Variants in XYLB observed in about 807,000 individuals in gnomAD.
XYLB encodes the protein xylulose kinase.
In XYLB, 62 loss-of-function variants were observed where a neutral mutation model predicts 78.7. The ratio of observed to expected loss-of-function variants is 0.79; its 90% CI spans 0.64 to 0.97. The LOEUF (loss-of-function observed/expected upper bound fraction) is 0.97, where lower values mean the gene tolerates loss of function less well. Ranked by LOEUF, XYLB falls within the 50% of genes least tolerant of loss-of-function variation. The pLI is 0.00. For synonymous variants in XYLB, 245 were observed against 247.4 expected (o/e 0.99, Z 0.09); for missense variants, 687 against 676.8 (o/e 1.02, Z -0.17).
At chr3:38,393,972 GCTTTT>G (rs1707772529) in intron 15 of XYLB, among the ~76,000 whole-genome samples, 1 of 151,932 alleles carries the variant, frequency 6.6e-6, no homozygotes, top group Non-Finnish European at 1.5e-5. Flanking sequence ...TCCCCTCCTT[GCTTTT>G]CTTTTTAAAA....
At position 38,375,198 on chromosome 3, in the gene XYLB, G is replaced by T. The variant is rs372598292; in HGVS notation, c.943G>T (p.Ala315Ser). Residue 315 changes from alanine to serine, a missense_variant, in exon 12 of 19, where the codon GCC (alanine) becomes TCC (serine). Ala to Ser is a moderately conservative substitution (Grantham distance 99). Transcript: ENST00000207870. The part of the protein sequence containing the change: ...LFLWLQEPMP[A>S]LEGHIFCNPV... ...TCTCTGGCTCCAAGAGCCCATGCCTGCCCTGGAAGGCCACATCTTCTGCAA... is the reference window on the plus strand; with the variant it reads ...TCTCTGGCTCCAAGAGCCCATGCCTTCCCTGGAAGGCCACATCTTCTGCAA... 4.3e-6 allele frequency: 7 copies of T among 1,614,188 alleles called. No homozygotes were observed. Among genetic ancestry groups the T allele is most frequent in the African/African-American group, 1.3e-5 (1 of 75,052 alleles).
At position 38,412,555 on chromosome 3, in the gene XYLB, A is replaced by G. The variant is rs986899023; in HGVS notation, c.1534-381A>G. Among the ~76,000 whole-genome samples, 7 of 152,328 alleles carry G rather than the reference A, an allele frequency of 4.6e-5. No homozygotes were observed. In the South Asian group the frequency reaches 6.2e-4, roughly 14 times the overall value. On this transcript the variant is annotated intron_variant, in intron 18 of 18. Transcript: ENST00000207870. ...TTCCTTAGGAGAGCTTCACCAAAGT[A>G]GAATAACTGGGTCCCATACTATGGG...
intron 16 of XYLB, among the ~76,000 whole-genome samples, chr3:38,395,873 G>T (rs1707850599): frequency 6.6e-6 from 1 of 152,220 alleles, no homozygotes; most frequent in Admixed American, 6.5e-5. Flanking sequence ...CAGTGTTCTT[G>T]TCTTCCTCAA....
the XYLB span, among the ~76,000 whole-genome samples, chr3:38,441,336 G>A: frequency 6.6e-6 from 1 of 152,222 alleles, no homozygotes; most frequent in Non-Finnish European, 1.5e-5. Flanking sequence ...GCTGGTCCCT[G>A]GGGGAAGAGG....
At chr3:38,408,477 A>G (rs1216047131) in intron 18 of XYLB, among the ~76,000 whole-genome samples, 1 of 151,028 alleles carries the variant, frequency 6.6e-6, no homozygotes, top group African/African-American at 2.4e-5. Flanking sequence ...TAAAAGAACT[A>G]GAAAAGCAAG....
At chr3:38,379,208 G>A (rs769300157) in intron 14 of XYLB, 38 bp from the exon 15 acceptor site, 30 of 1,598,870 alleles carry the variant, frequency 1.9e-5, no homozygotes, top group Non-Finnish European at 2.5e-5. Context: ...TGGACAATGA[G>A]AGTTCCTTAC....
intron 17 of XYLB, among the ~76,000 whole-genome samples, chr3:38,400,191 G>GC (rs34185904): frequency 1.3e-5 from 2 of 152,148 alleles, no homozygotes; most frequent in African/African-American, 4.8e-5. Context: ...ATTATTGAGT[G>GC]CCCCCTGTAT....
the XYLB span, among the ~76,000 whole-genome samples, chr3:38,449,113 T>A: frequency 6.6e-5 from 10 of 152,158 alleles, no homozygotes; most frequent in Non-Finnish European, 1.2e-4. Context: ...TTATTTATTT[T>A]AATTAATTAA....
intron 15 of XYLB, among the ~76,000 whole-genome samples, chr3:38,394,789 C>T (rs1707800247): frequency 6.6e-6 from 1 of 152,216 alleles, no homozygotes; most frequent in African/African-American, 2.4e-5. Flanking sequence ...CTGCAGTCAT[C>T]TGAAGGCTTG....
Position 38,375,163 on chromosome 3 carries a change from A to G in XYLB, c.908A>G (p.Asp303Gly), listed in dbSNP as rs1367211639. 3 of 1,613,952 alleles carry G rather than the reference A, an allele frequency of 1.9e-6. No individual in the cohort carries two copies. The African/African-American group carries it at 4.0e-5, about 22-fold the overall frequency. ...GDIAVSLGTS[D>G]TLFLWLQEPM... is the part of the protein sequence containing the mutation. ...CCTCAGGTCAGCCTGGGCACCAGTGACACCCTGTTTCTCTGGCTCCAAGAG... is the reference window on the plus strand; with the variant it reads ...CCTCAGGTCAGCCTGGGCACCAGTGGCACCCTGTTTCTCTGGCTCCAAGAG... The change falls in exon 12 of 19, where the codon GAC (aspartate) becomes GGC (glycine). Residue 303 changes from aspartate to glycine, a missense_variant. Transcript: ENST00000207870.
chr3:38,349,249 A>T (rs547735971), intron 2 of XYLB, among the ~76,000 whole-genome samples: 2 of 152,372 alleles, frequency 1.3e-5, no homozygotes, highest in East Asian at 3.9e-4. Context: ...AAGAAAGCCA[A>T]TGATGCTGGG....
intron 3 of XYLB, among the ~76,000 whole-genome samples, chr3:38,362,491 G>A (rs529716029): frequency 6.6e-6 from 1 of 152,228 alleles, no homozygotes; most frequent in Admixed American, 6.5e-5. Flanking sequence ...TCCTGCCTTG[G>A]CCTCCAAAAG....
chr3:38,425,472 A>G (rs573446997), downstream of XYLB, among the ~76,000 whole-genome samples: 4 of 152,294 alleles, frequency 2.6e-5, no homozygotes, highest in South Asian at 6.2e-4. Context: ...TGATTATAGG[A>G]CTCTGCACAT....
chr3:38,355,713 T>A (rs1269521421), intron 2 of XYLB: 1 of 703,412 alleles, frequency 1.4e-6, no homozygotes, highest in Non-Finnish European at 2.6e-6. Context: ...CTGACTTTTC[T>A]CCCATTTTTG....
chr3:38,424,719 G>A (rs1290071619), downstream of XYLB, among the ~76,000 whole-genome samples: 1 of 152,160 alleles, frequency 6.6e-6, no homozygotes, highest in African/African-American at 2.4e-5. Context: ...TTCATACGTG[G>A]TTCATTCCAC....
chr3:38,346,941 C>A lies in XYLB; in HGVS notation c.57+16C>A. ...CACGCAGCAGGTACAGTCGCCTGGC[C>A]GCAGGGCCACGGGGCCGCCTCCTCC... On this transcript the variant is annotated intron_variant, in intron 1 of 18. Transcript: ENST00000207870. The A allele has an allele frequency of 1.4e-6, 2 of 1,458,810 alleles. No individual in the cohort carries two copies. The highest frequency in any genetic ancestry group is 1.8e-6 in the Non-Finnish European group (2 of 1,101,336). 90.4% of individuals were successfully genotyped at this position (1,458,810 alleles called of 1,614,324 possible).
At chr3:38,379,642 G>T (rs1325238403) in intron 15 of XYLB, among the ~76,000 whole-genome samples, 5 of 152,212 alleles carry the variant, frequency 3.3e-5, no homozygotes, top group Non-Finnish European at 7.3e-5. Flanking sequence ...GCTCCAAGCT[G>T]CAGATGAGCT....
chr3:38,356,001 A>G (rs777114499), intron 2 of XYLB: 28 of 524,766 alleles, frequency 5.3e-5, no homozygotes, highest in Non-Finnish European at 9.2e-5. Flanking sequence ...CTGTAATCCC[A>G]GCACTTTGGG....
At chr3:38,398,410 G>A (rs978813569) in intron 17 of XYLB, among the ~76,000 whole-genome samples, 1 of 151,778 alleles carries the variant, frequency 6.6e-6, no homozygotes, top group African/African-American at 2.4e-5. Context: ...AGAGGTTGCA[G>A]TGAGCCGAGA....
Sources: gnomAD v4.1 joint callset for allele counts (sites outside exome capture counted in the v4.1 genomes callset) on GRCh38, gnomAD v4.1.1 for gene constraint, MANE v1.5 for transcripts, NCBI Gene and HGNC (gene_info 2026-07-23, HGNC 2026-07-21) for gene names.